TRPM3: variants seen among roughly 807,000 people sequenced by gnomAD.
TRPM3 encodes transient receptor potential cation channel subfamily M member 3.
Under a neutral mutation model 181.2 loss-of-function variants are expected in TRPM3, and 77 were observed. That is an observed-to-expected ratio of 0.42 (90% CI 0.35 to 0.51). The LOEUF is 0.51. Ranked by LOEUF, TRPM3 falls within the 20% of genes least tolerant of loss-of-function variation. The pLI, the probability that TRPM3 is intolerant of heterozygous loss-of-function variation, is 0.01. For missense variants in TRPM3, 1,759 were observed against 2,196.7 expected (o/e 0.80, Z 3.98); for synonymous variants, 745 against 796.4 (o/e 0.94, Z 1.09).
intron 1 of TRPM3, among the ~76,000 whole-genome samples, chr9:71,228,922 C>T (rs1671822188): frequency 6.6e-6 from 1 of 151,988 alleles, no homozygotes; most frequent in Admixed American, 6.6e-5. Flanking sequence ...AATGTAATCC[C>T]TATAAAAATA....
At chr9:71,136,310 A>G (rs2074763062) in intron 1 of TRPM3, among the ~76,000 whole-genome samples, 1 of 152,212 alleles carries the variant, frequency 6.6e-6, no homozygotes, top group East Asian at 1.9e-4. Context: ...TGAGTGACAC[A>G]TGGGAAATGA....
At chr9:71,335,180 T>C (rs1203779632) in intron 1 of TRPM3, among the ~76,000 whole-genome samples, 1 of 152,182 alleles carries the variant, frequency 6.6e-6, no homozygotes, top group East Asian at 1.9e-4. Context: ...AACATGGTCA[T>C]GGCTTCTTGG....
chr9:71,109,947 G>A (rs1342662455), intron 1 of TRPM3, among the ~76,000 whole-genome samples: 1 of 152,012 alleles, frequency 6.6e-6, no homozygotes, highest in Non-Finnish European at 1.5e-5. Flanking sequence ...CAAATGTTAA[G>A]CTTTTATTAT....
rs73467872 is a variant in TRPM3 at position 70,859,199 on chromosome 9, G to A, written c.462+3709C>T. ...ACCCTACATTTTAATTTTGTACTGGGTTCCACAAAGTATATAGCTGACCTT... is the reference window on the plus strand; with the variant it reads ...ACCCTACATTTTAATTTTGTACTGGATTCCACAAAGTATATAGCTGACCTT... On this transcript the variant is annotated intron_variant, in intron 3 of 25. Coordinates refer to ENST00000677713, the MANE Select transcript of TRPM3 (RefSeq NM_001366145.2). 5.0e-3 allele frequency among the ~76,000 whole-genome samples: 765 copies of A among 152,206 alleles called. 8 individuals carry two copies. The highest frequency in any genetic ancestry group is 0.017 in the African/African-American group (720 of 41,534).
At chr9:70,597,000 T>C (rs752163778) in intron 21 of TRPM3, among the ~76,000 whole-genome samples, 7 of 152,102 alleles carry the variant, frequency 4.6e-5, no homozygotes, top group Non-Finnish European at 1.0e-4. Flanking sequence ...AATGGTGTGA[T>C]CTTGGCTCAC....
Position 71,034,960 on chromosome 9 carries a change from A to G in TRPM3, c.177+86218T>C, listed in dbSNP as rs1037290339. The stretch of plus-strand genomic sequence containing the variant: ...CGTGCATTTAAAAAATGGTCAAAAT[A>G]TATAATTTTTTTTTGCTACAAAATA... On this transcript the variant is annotated intron_variant, in intron 1 of 25. Transcript: ENST00000677713. Among the ~76,000 whole-genome samples the G allele has an allele frequency of 8.6e-5, 13 of 151,158 alleles. 1 individual carries two copies. The highest frequency in any genetic ancestry group is 3.1e-4 in the African/African-American group (13 of 41,518).
intron 1 of TRPM3, among the ~76,000 whole-genome samples, chr9:70,967,109 C>T (rs1366623003): frequency 6.6e-6 from 1 of 152,032 alleles, no homozygotes; most frequent in Non-Finnish European, 1.5e-5. Context: ...TGAGGAAATG[C>T]TACCTTTTCT....
chr9:71,111,483 TG>T (rs2071082814), intron 1 of TRPM3, among the ~76,000 whole-genome samples: 1 of 152,110 alleles, frequency 6.6e-6, no homozygotes, highest in African/African-American at 2.4e-5. Context: ...TCGCGGGGGT[TG>T]GGGGGTGCTC....
chr9:71,011,995 T>C (rs1329546591), intron 1 of TRPM3, among the ~76,000 whole-genome samples: 1 of 151,934 alleles, frequency 6.6e-6, no homozygotes, highest in African/African-American at 2.4e-5. Flanking sequence ...GTTGCCCAGG[T>C]TGGTCTCGAA....
chr9:71,182,849 A>G (rs1048800675), intron 1 of TRPM3, among the ~76,000 whole-genome samples: 13 of 152,006 alleles, frequency 8.6e-5, no homozygotes, highest in African/African-American at 3.1e-4. Context: ...TTTAGCAGAG[A>G]TGGGCTTTCA....
At chr9:71,325,782 G>A (rs118186045) in intron 1 of TRPM3, among the ~76,000 whole-genome samples, 119 of 151,914 alleles carry the variant, frequency 7.8e-4, no homozygotes, top group Non-Finnish European at 1.4e-3. Flanking sequence ...ACAAAGTGAC[G>A]AAGGCTCTGC....
At chr9:70,762,720 G>C (rs1427102994) in intron 7 of TRPM3, among the ~76,000 whole-genome samples, 1 of 152,156 alleles carries the variant, frequency 6.6e-6, no homozygotes, top group Non-Finnish European at 1.5e-5. Flanking sequence ...ATAGACAAGG[G>C]ATTTGTTCTA....
At position 71,214,934 on chromosome 9, in the gene TRPM3, AT is replaced by A. The variant is rs917322004; in HGVS notation, c.183+231718del. Among the ~76,000 whole-genome samples, 11 of 150,264 alleles carry A rather than the reference AT, an allele frequency of 7.3e-5. 1 individual carries two copies. Among genetic ancestry groups the A allele is most frequent in the South Asian group, 6.3e-4 (3 of 4,756 alleles). On this transcript the variant is annotated intron_variant, in intron 1 of 24. Coordinates refer to the TRPM3 transcript ENST00000357533. ...ACTTTTCCAGGTAAATTCTGCTGTC[AT>A]TTTGCACCTGAAGCCTCTTCACTAC...
chr9:71,420,655 GAAAA>G (rs2093717398), intron 1 of TRPM3, among the ~76,000 whole-genome samples: 2 of 78,854 alleles, frequency 2.5e-5, no homozygotes, highest in Non-Finnish European at 6.5e-5. Flanking sequence ...GAAAGAGAAA[GAAAA>G]AGAGAAAGAA....
At chr9:70,905,994 T>C (rs1460464988) in intron 1 of TRPM3, among the ~76,000 whole-genome samples, 1 of 152,130 alleles carries the variant, frequency 6.6e-6, no homozygotes, top group Non-Finnish European at 1.5e-5. Context: ...GGTGTTGAGA[T>C]TACAGGTGGG....
At chr9:70,799,644 T>C (rs1261660117) in intron 6 of TRPM3, among the ~76,000 whole-genome samples, 1 of 152,230 alleles carries the variant, frequency 6.6e-6, no homozygotes, top group Admixed American at 6.5e-5. Flanking sequence ...TGATAGTTGG[T>C]GACTATTGTG....
At chr9:71,203,942 AC>A (rs1439074220) in intron 1 of TRPM3, among the ~76,000 whole-genome samples, 2 of 152,180 alleles carry the variant, frequency 1.3e-5, no homozygotes, top group Non-Finnish European at 2.9e-5. Context: ...GACAAACCTG[AC>A]AAAAAGAAGA....
At chr9:71,350,517 T>C (rs771898060) in intron 1 of TRPM3, among the ~76,000 whole-genome samples, 2 of 152,232 alleles carry the variant, frequency 1.3e-5, no homozygotes, top group African/African-American at 2.4e-5. Flanking sequence ...CCTAAGGCTG[T>C]TCCTGTAGTC....
At chr9:70,646,917 C>G (rs2058957368) in intron 9 of TRPM3, among the ~76,000 whole-genome samples, 2 of 150,002 alleles carry the variant, frequency 1.3e-5, no homozygotes, top group South Asian at 2.1e-4. Flanking sequence ...AGGGACACCT[C>G]TATGCACAAG....
Sources: gnomAD v4.1 joint callset for allele counts (sites outside exome capture counted in the v4.1 genomes callset) on GRCh38, gnomAD v4.1.1 for gene constraint, MANE v1.5 for transcripts, NCBI Gene and HGNC (gene_info 2026-07-23, HGNC 2026-07-21) for gene names.